ASTN2: variants seen among roughly 807,000 people sequenced by gnomAD.
The protein encoded by ASTN2 is astrotactin-2.
Under a neutral mutation model 139.8 loss-of-function variants are expected in ASTN2, and 54 were observed. The ratio of observed to expected loss-of-function variants is 0.39; its 90% CI spans 0.31 to 0.48. The LOEUF (loss-of-function observed/expected upper bound fraction) is 0.48. ASTN2 is among the 20% of genes least tolerant of loss of function. The pLI, the probability that ASTN2 is intolerant of heterozygous loss-of-function variation, is 0.95. For missense variants in ASTN2, 1,565 were observed against 1,725.1 expected (o/e 0.91, Z 1.64); for synonymous variants, 756 against 719.5 (o/e 1.05, Z -0.81).
At chr9:117,324,184 G>A (rs1828434145) in intron 1 of ASTN2, among the ~76,000 whole-genome samples, 1 of 152,122 alleles carries the variant, frequency 6.6e-6, no homozygotes, top group African/African-American at 2.4e-5. Flanking sequence ...GGGAGCTATA[G>A]GATGAGTAGA....
intron 1 of ASTN2, among the ~76,000 whole-genome samples, chr9:117,317,777 G>C (rs1286921324): frequency 6.6e-6 from 1 of 152,114 alleles, no homozygotes; most frequent in African/African-American, 2.4e-5. Flanking sequence ...AAACTGATGA[G>C]AGGATGCCCC....
intron 6 of ASTN2, among the ~76,000 whole-genome samples, chr9:117,037,074 G>A (rs534234298): frequency 6.6e-6 from 1 of 151,806 alleles, no homozygotes; most frequent in Non-Finnish European, 1.5e-5. Context: ...TCATCCACTG[G>A]ACACATATTT....
chr9:116,567,848 T>C (rs1446614011), intron 19 of ASTN2, among the ~76,000 whole-genome samples: 1 of 152,072 alleles, frequency 6.6e-6, no homozygotes, highest in Non-Finnish European at 1.5e-5. Context: ...TACACCCCTC[T>C]CCCAAAATGT....
intron 19 of ASTN2, among the ~76,000 whole-genome samples, chr9:116,500,213 C>T (rs949460220): frequency 3.9e-5 from 6 of 152,162 alleles, no homozygotes; most frequent in Admixed American, 2.6e-4. Flanking sequence ...CCACTGCCCT[C>T]TCCTTTTGTA....
chr9:117,275,134 A>G (rs1219115302), intron 2 of ASTN2, among the ~76,000 whole-genome samples: 1 of 152,114 alleles, frequency 6.6e-6, no homozygotes, highest in Non-Finnish European at 1.5e-5. Flanking sequence ...CATCTTCCTC[A>G]TTTCCATCAG....
intron 3 of ASTN2, among the ~76,000 whole-genome samples, chr9:117,193,124 T>G (rs1831391383): frequency 6.6e-6 from 1 of 152,066 alleles, no homozygotes; most frequent in Admixed American, 6.5e-5. Context: ...GAGGAAGAGG[T>G]GTACCCAAAG....
intron 17 of ASTN2, among the ~76,000 whole-genome samples, chr9:116,645,245 A>G (rs1011247432): frequency 6.6e-6 from 1 of 152,192 alleles, no homozygotes; most frequent in East Asian, 1.9e-4. Flanking sequence ...AGTCTTGTAC[A>G]TTTAAGCACC....
At chr9:116,747,154 C>A (rs1829263231) in intron 13 of ASTN2, among the ~76,000 whole-genome samples, 1 of 152,172 alleles carries the variant, frequency 6.6e-6, no homozygotes, top group East Asian at 1.9e-4. Flanking sequence ...AGACATTATT[C>A]TAAGGGCTTT....
At chr9:116,991,006 G>A (rs543606816) in intron 7 of ASTN2, among the ~76,000 whole-genome samples, 1 of 152,222 alleles carries the variant, frequency 6.6e-6, no homozygotes, top group Non-Finnish European at 1.5e-5. Context: ...TGTTAGCAAC[G>A]TAAATCCATA....
chr9:117,208,446 C>A (rs922507265), intron 3 of ASTN2, among the ~76,000 whole-genome samples: 5 of 150,972 alleles, frequency 3.3e-5, no homozygotes, highest in African/African-American at 1.2e-4. Flanking sequence ...TTTGAAATAA[C>A]ACAAGGAGTC....
At chr9:116,526,484 C>T (rs913472975) in intron 19 of ASTN2, among the ~76,000 whole-genome samples, 1 of 151,956 alleles carries the variant, frequency 6.6e-6, no homozygotes, top group African/African-American at 2.4e-5. Flanking sequence ...TAGCTAGGTA[C>T]AGTGGCTCAT....
At chr9:117,320,833 A>G (rs1471276117) in intron 1 of ASTN2, among the ~76,000 whole-genome samples, 1 of 152,168 alleles carries the variant, frequency 6.6e-6, no homozygotes, top group East Asian at 1.9e-4. Flanking sequence ...AGCCAATCAG[A>G]AGAACAGCAC....
intron 19 of ASTN2, among the ~76,000 whole-genome samples, chr9:116,515,447 A>G (rs193296174): frequency 2.5e-4 from 38 of 152,278 alleles, no homozygotes; most frequent in African/African-American, 8.2e-4. Context: ...AAGTGTCAGG[A>G]TATGTGGCTA....
At position 117,301,971 on chromosome 9, in the gene ASTN2, G is replaced by T. The variant is rs553810488; in HGVS notation, c.443-10458C>A. ...ATAACAGGAGATAATGCATTGGAAG[G>T]AGCCTAGAGCAGCATTTAGCCTATG... On this transcript the variant is annotated intron_variant, in intron 1 of 22. Coordinates refer to ENST00000313400, the MANE Select transcript of ASTN2 (RefSeq NM_001365068.1). Among the ~76,000 whole-genome samples the T allele has an allele frequency of 3.2e-3, 390 of 123,490 alleles. 2 individuals are homozygous for T. The highest frequency in any genetic ancestry group is 0.012 in the Middle Eastern group (3 of 256). The allele number at this position is 123,490 out of a possible 152,430, so 81.0% of individuals were successfully genotyped here. A position where few individuals can be genotyped will look rare whatever the true frequency, so the allele number is the denominator to read the frequency against.
intron 22 of ASTN2, among the ~76,000 whole-genome samples, chr9:116,439,295 G>T (rs1232209497): frequency 2.3e-5 from 3 of 130,646 alleles, no homozygotes; most frequent in Non-Finnish European, 4.6e-5. Flanking sequence ...CCGCCTCCCG[G>T]GTTCACGCCA....
chr9:116,844,123 T>A (rs1248459333), intron 11 of ASTN2, among the ~76,000 whole-genome samples: 1 of 152,166 alleles, frequency 6.6e-6, no homozygotes, highest in African/African-American at 2.4e-5. Flanking sequence ...TTTTTCCTGT[T>A]CTAAAATAGA....
intron 3 of ASTN2, among the ~76,000 whole-genome samples, chr9:117,187,499 T>G (rs1831231935): frequency 6.6e-6 from 1 of 152,326 alleles, no homozygotes; most frequent in South Asian, 2.1e-4. Flanking sequence ...GATTGGATCA[T>G]GAAGATTCTG....
At chr9:116,473,769 G>T (rs1184562983) in intron 20 of ASTN2, among the ~76,000 whole-genome samples, 1 of 152,094 alleles carries the variant, frequency 6.6e-6, no homozygotes, top group Non-Finnish European at 1.5e-5. Context: ...TGGGCGTGTT[G>T]GTGGGCACCT....
intron 1 of ASTN2, among the ~76,000 whole-genome samples, chr9:117,308,510 G>A (rs897099322): frequency 5.9e-5 from 9 of 152,154 alleles, no homozygotes; most frequent in Non-Finnish European, 1.2e-4. Context: ...GAAGGAAGCA[G>A]GATGTGTTAC....
Sources: allele counts gnomAD v4.1 joint callset (sites outside exome capture counted in the v4.1 genomes callset), GRCh38; gene constraint gnomAD v4.1.1; transcripts MANE v1.5; gene names NCBI Gene and HGNC (gene_info 2026-07-23, HGNC 2026-07-21).